MAP7: variants seen among roughly 807,000 people sequenced by gnomAD.
MAP7 encodes ensconsin.
Under a neutral mutation model 94.8 loss-of-function variants are expected in MAP7, and 52 were observed. That is an observed-to-expected ratio of 0.55 (90% CI 0.44 to 0.69). MAP7 has a LOEUF of 0.69. Ranked by LOEUF, MAP7 falls within the 30% of genes least tolerant of loss-of-function variation. MAP7 has a pLI of 0.00. For missense variants in MAP7, 940 were observed against 964.6 expected (o/e 0.97, Z 0.34); for synonymous variants, 350 against 357.0 (o/e 0.98, Z 0.22).
intron 1 of MAP7, among the ~76,000 whole-genome samples, chr6:136,454,364 T>C (rs781135597): frequency 6.6e-6 from 1 of 151,842 alleles, no homozygotes; most frequent in Non-Finnish European, 1.5e-5. Flanking sequence ...TGCAGTCCAG[T>C]GGTGTGATCA....
rs1321605873 is a variant in MAP7, at chr6:136,411,607, G to C, written c.244+13C>G. ...CATTCAAATCAGGGCCATGGACACG[G>C]GGCCTGGGGTACCTAGCTGTTTCTC... is the stretch of plus-strand genomic sequence containing the variant. On this transcript the variant is annotated intron_variant, in intron 3 of 17. Coordinates refer to ENST00000354570, the MANE Select transcript of MAP7 (RefSeq NM_003980.6). The C allele has an allele frequency of 6.4e-7, 1 of 1,555,336 alleles. No individual in the cohort carries two copies. The highest frequency in any genetic ancestry group is 8.7e-7 in the Non-Finnish European group (1 of 1,148,650).
intron 1 of MAP7, among the ~76,000 whole-genome samples, chr6:136,518,674 T>C (rs1175636153): frequency 6.6e-6 from 1 of 152,204 alleles, no homozygotes; most frequent in African/African-American, 2.4e-5. Flanking sequence ...TTCTGCTAAA[T>C]GAAAAACATA....
intron 1 of MAP7, among the ~76,000 whole-genome samples, chr6:136,516,908 A>G (rs1426400357): frequency 6.6e-6 from 1 of 152,006 alleles, no homozygotes; most frequent in Non-Finnish European, 1.5e-5. Flanking sequence ...ATTGCCATCA[A>G]GCAACTCACA....
chr6:136,365,811 C>T lies in MAP7; in HGVS notation c.1197G>A (p.Lys399=). 2.5e-6 allele frequency: 4 copies of T among 1,614,156 alleles called. No individual in the cohort carries two copies. In the South Asian group the frequency reaches 4.4e-5, roughly 18 times the overall value. ...CTACCTTCACTAAAGGTGCTCTGCC[C>T]TTTAGTGAGGGCTCATTGGCAACTT... ...PQKVANEPSL[K]GRAPLVKVEE... The change falls in exon 10 of 18, where the codon AAG becomes AAA. Residue 399 remains lysine (K), a synonymous_variant. Coordinates refer to ENST00000354570, the MANE Select transcript of MAP7 (RefSeq NM_003980.6).
At chr6:136,516,600 C>T (rs1260050119) in intron 1 of MAP7, among the ~76,000 whole-genome samples, 28 of 152,082 alleles carry the variant, frequency 1.8e-4, no homozygotes, top group Admixed American at 1.8e-3. Context: ...GACACAGATC[C>T]GCTGGCATAT....
chr6:136,361,228 T>A, intron 11 of MAP7, 49 bp from the exon 12 acceptor site: 2 of 1,593,486 alleles, frequency 1.3e-6, no homozygotes, highest in Non-Finnish European at 1.7e-6. Flanking sequence ...TGAGGAGAAA[T>A]CTTTGAAGAG....
At chr6:136,511,321 C>A in intron 1 of MAP7, among the ~76,000 whole-genome samples, 1 of 151,984 alleles carries the variant, frequency 6.6e-6, no homozygotes, top group East Asian at 1.9e-4. Context: ...AGAATCAGAG[C>A]TAGCAAATTC....
rs934703152 is a variant in MAP7, at chr6:136,343,449, C to T, written c.*779G>A. The stretch of plus-strand genomic sequence containing the variant: ...CCCTGAATCATCAGTAACATTCTAT[C>T]GTGGTAACATCAGAAGGAATGCAGC... On this transcript the variant is annotated 3_prime_UTR_variant, in exon 18 of 18. Transcript: ENST00000354570. The T allele has an allele frequency of 3.3e-5, 5 of 152,572 alleles. No homozygotes were observed. Among genetic ancestry groups the T allele is most frequent in the African/African-American group, 7.2e-5 (3 of 41,430 alleles). The allele number at this position is 152,572 out of a possible 1,614,324, so 9.5% of individuals were successfully genotyped here.
chr6:136,464,655 A>T (rs1806370142), intron 1 of MAP7, among the ~76,000 whole-genome samples: 2 of 151,932 alleles, frequency 1.3e-5, no homozygotes, highest in Admixed American at 1.3e-4. Context: ...CTGCAGTGAG[A>T]CTCCTGATTT....
chr6:136,450,525 T>A (rs1290356660), intron 1 of MAP7, among the ~76,000 whole-genome samples: 13 of 152,134 alleles, frequency 8.5e-5, no homozygotes. Flanking sequence ...AAAGGACTTT[T>A]TAAGATATAC....
At chr6:136,496,291 T>C (rs1818199171) in intron 1 of MAP7, among the ~76,000 whole-genome samples, 1 of 152,242 alleles carries the variant, frequency 6.6e-6, no homozygotes, top group Admixed American at 6.5e-5. Flanking sequence ...GAAGCCTTAG[T>C]TGTCACAAAA....
chr6:136,430,836 G>A (rs1184803705), intron 1 of MAP7, among the ~76,000 whole-genome samples: 1 of 151,852 alleles, frequency 6.6e-6, no homozygotes, highest in African/African-American at 2.4e-5. Context: ...TTCTTTCTTA[G>A]AGCAGTTTTA....
At chr6:136,445,485 T>A (rs1347057755) in intron 1 of MAP7, among the ~76,000 whole-genome samples, 1 of 152,210 alleles carries the variant, frequency 6.6e-6, no homozygotes, top group East Asian at 1.9e-4. Context: ...TTTCTTTGCA[T>A]CCTTACTCTC....
At chr6:136,439,599 G>A (rs1797284205) in intron 1 of MAP7, among the ~76,000 whole-genome samples, 1 of 152,120 alleles carries the variant, frequency 6.6e-6, no homozygotes, top group African/African-American at 2.4e-5. Context: ...AGTCACATGA[G>A]TCAGCTCTAC....
chr6:136,354,827 G>A (rs1790417515), intron 16 of MAP7, among the ~76,000 whole-genome samples: 1 of 152,100 alleles, frequency 6.6e-6, no homozygotes, highest in Non-Finnish European at 1.5e-5. Context: ...TTATTTTTCA[G>A]GTTCTTATAT....
chr6:136,421,332 T>C (rs1791279708), intron 2 of MAP7, among the ~76,000 whole-genome samples: 1 of 152,202 alleles, frequency 6.6e-6, no homozygotes, highest in Admixed American at 6.5e-5. Context: ...GTATAAAAAA[T>C]TGTGTCCTAT....
At chr6:136,413,335 C>A (rs1429645959) in intron 2 of MAP7, among the ~76,000 whole-genome samples, 1 of 151,926 alleles carries the variant, frequency 6.6e-6, no homozygotes, top group Non-Finnish European at 1.5e-5. Flanking sequence ...CCAGCCTGGC[C>A]AACATGGCAA....
chr6:136,374,073 C>T (rs1056529184), intron 7 of MAP7, among the ~76,000 whole-genome samples: 2 of 152,194 alleles, frequency 1.3e-5, no homozygotes, highest in Non-Finnish European at 2.9e-5. Flanking sequence ...GATTGGAAAC[C>T]GGTCTCTTTT....
In MAP7 at chr6:136,549,046, C is replaced by T. The variant is rs1335829225; in HGVS notation, c.67+1296G>A. Among the ~76,000 whole-genome samples the T allele has an allele frequency of 2.0e-5, 3 of 152,216 alleles. 1 individual carries two copies. The East Asian group carries it at 5.8e-4, about 29-fold the overall frequency. Reference sequence around the variant, plus strand: ...GCATGACTTAAACAAGTTCAAGATACTTTGTCAGTCTTAACCTCAGGTATC... The same window carrying T: ...GCATGACTTAAACAAGTTCAAGATATTTTGTCAGTCTTAACCTCAGGTATC... On this transcript the variant is annotated intron_variant, in intron 1 of 17. Transcript: ENST00000354570.
Sources: allele counts gnomAD v4.1 joint callset (sites outside exome capture counted in the v4.1 genomes callset), GRCh38; gene constraint gnomAD v4.1.1; transcripts MANE v1.5; gene names NCBI Gene and HGNC (gene_info 2026-07-23, HGNC 2026-07-21).